SPTBN2: variants seen among roughly 807,000 people sequenced by gnomAD.
SPTBN2 encodes spectrin beta, non-erythrocytic 2, also known as spectrin beta chain, non-erythrocytic 2.
Under a neutral mutation model 284.2 loss-of-function variants are expected in SPTBN2, and 107 were observed. That is an observed-to-expected ratio of 0.38 (90% CI 0.32 to 0.44). The LOEUF (loss-of-function observed/expected upper bound fraction) is 0.44, where lower values mean the gene tolerates loss of function less well. SPTBN2 is among the 20% of genes least tolerant of loss of function. The pLI, the probability that SPTBN2 is intolerant of heterozygous loss-of-function variation, is 1.00. For synonymous variants in SPTBN2, 1,289 were observed against 1,354.8 expected, an observed-to-expected ratio of 0.95 and a Z score of 1.07; for missense variants, 2,569 against 3,287.1, an observed-to-expected ratio of 0.78 and a Z score of 5.34.
intron 1 of SPTBN2, among the ~76,000 whole-genome samples, chr11:66,726,508 G>C (rs1398637874): frequency 6.6e-6 from 1 of 152,234 alleles, no homozygotes; most frequent in African/African-American, 2.4e-5. Context: ...TTGGTTAGAG[G>C]AGCCATGAGT....
chr11:66,698,906 C>A lies in SPTBN2; in HGVS notation c.3867+86G>T. Reference sequence around the variant, plus strand: ...AAGAAGCCATGAAGGGGCTCACAGTCTCCGGTACCTTGTGCTGGACTTATT... The same window carrying A: ...AAGAAGCCATGAAGGGGCTCACAGTATCCGGTACCTTGTGCTGGACTTATT... On this transcript the variant is annotated intron_variant, in intron 19 of 37. Transcript: ENST00000533211. 3 of 1,600,392 alleles carry A rather than the reference C, an allele frequency of 1.9e-6. No individual in the cohort carries two copies. The South Asian group carries it at 3.3e-5, about 18-fold the overall frequency.
intron 3 of SPTBN2, among the ~76,000 whole-genome samples, chr11:66,717,487 G>A (rs550574030): frequency 3.3e-4 from 50 of 152,194 alleles, no homozygotes; most frequent in African/African-American, 1.2e-3. Flanking sequence ...ACACACCCAC[G>A]TCGCTCCGTG....
At position 66,716,659 on chromosome 11, in the gene SPTBN2, TG is replaced by T. The variant is rs5792396; in HGVS notation, c.158-679del. The stretch of plus-strand genomic sequence containing the variant: ...GAGCCCCAATGTCTCATCTGTAAAA[TG>T]GGAACATCACTTTCTACTTCAACAG... On this transcript the variant is annotated intron_variant, in intron 3 of 37. Coordinates refer to ENST00000533211, the MANE Select transcript of SPTBN2 (RefSeq NM_006946.4). Among the ~76,000 whole-genome samples the T allele has an allele frequency of 1.6e-3, 244 of 152,180 alleles. No individual in the cohort carries two copies. The East Asian group carries it at 0.038, about 23-fold the overall frequency.
chr11:66,687,319 A>T lies in SPTBN2; in HGVS notation c.6722+108T>A. On this transcript the variant is annotated intron_variant, in intron 35 of 37. Coordinates refer to ENST00000533211, the MANE Select transcript of SPTBN2 (RefSeq NM_006946.4). This position sits in a 1 kb window ranked among gnomAD's most constrained non-coding sequence, Gnocchi z 5.2. ...CCCCTGAGGCCCCGCTCTGGTCCCA[A>T]GTCCTACCCTTTGCCCAGAAGATGT... The T allele has an allele frequency of 6.4e-7, 1 of 1,555,058 alleles. No individual in the cohort carries two copies. The highest frequency in any genetic ancestry group is 2.2e-5 in the East Asian group (1 of 44,478).
At chr11:66,706,924 G>A (rs769054686) in intron 13 of SPTBN2, among the ~76,000 whole-genome samples, 3 of 152,232 alleles carry the variant, frequency 2.0e-5, no homozygotes, top group Admixed American at 6.5e-5. Flanking sequence ...GAGCCACTGC[G>A]CCTGGCCCCT....
chr11:66,693,292 C>T lies in SPTBN2; in HGVS notation c.4748G>A (p.Arg1583Gln), dbSNP rs972140635. The T allele has an allele frequency of 3.1e-6, 5 of 1,613,644 alleles. No homozygotes were observed. The highest frequency in any genetic ancestry group is 2.2e-5 in the East Asian group (1 of 44,892). The change falls in exon 24 of 38, where the codon CGA becomes CAA. Residue 1583 changes from arginine to glutamine, a missense_variant. Arg to Gln is a conservative substitution (Grantham distance 43). Transcript: ENST00000533211. The surrounding 1 kb of genome is among the most constrained non-coding windows in gnomAD (Gnocchi z 5.7). ...LGHELELRGKRLEDALRAQQF... is the reference protein window; with the variant it reads ...LGHELELRGKQLEDALRAQQF... ...CTGGGCTCGCAGGGCATCCTCCAGT[C>T]GCTTCCCTCGAAGTTCCAGCTCGTG...
At chr11:66,709,145 G>T (rs1941724376) in intron 10 of SPTBN2, 126 bp from the exon 11 acceptor site, 1 of 777,074 alleles carries the variant, frequency 1.3e-6, no homozygotes. Flanking sequence ...CTTTTTATGT[G>T]GAAGCCAGAA....
upstream of SPTBN2, among the ~76,000 whole-genome samples, chr11:66,733,984 C>CAAAA (rs60666832): frequency 1.3e-5 from 1 of 75,762 alleles, no homozygotes; most frequent in African/African-American, 4.9e-5. Context: ...GACTCCGTCT[C>CAAAA]AAAAAAAAAA....
chr11:66,692,315 A>G (rs1940613625), intron 26 of SPTBN2, among the ~76,000 whole-genome samples: 2 of 152,070 alleles, frequency 1.3e-5, no homozygotes, highest in South Asian at 4.1e-4. Context: ...GGACTCAAGC[A>G]ATCCTCCCAT....
At chr11:66,721,481 G>A (rs1942400398) in intron 1 of SPTBN2, 41 bp from the exon 2 acceptor site, 1 of 579,800 alleles carries the variant, frequency 1.7e-6, no homozygotes, top group South Asian at 1.9e-5. Flanking sequence ...AAGTGAAGCA[G>A]GAAGGCAGCA....
intron 1 of SPTBN2, among the ~76,000 whole-genome samples, chr11:66,737,468 A>G (rs1418082558): frequency 6.6e-6 from 1 of 152,154 alleles, no homozygotes; most frequent in Non-Finnish European, 1.5e-5. Context: ...CCCCTTTATA[A>G]AGGGATTAGA....
At chr11:66,688,905 C>G (rs559625773) in intron 30 of SPTBN2, 56 bp from the exon 31 acceptor site, 1 of 1,575,350 alleles carries the variant, frequency 6.3e-7, no homozygotes, top group East Asian at 2.2e-5. Flanking sequence ...ACTGGCAGGG[C>G]ACAGTGGCCA....
upstream of SPTBN2, among the ~76,000 whole-genome samples, chr11:66,730,924 T>C (rs114987397): frequency 0.011 from 1,647 of 152,306 alleles, 37 homozygotes; most frequent in African/African-American, 0.037. Flanking sequence ...AATCCTAATA[T>C]GTTCTTTCCT....
At position 66,687,567 on chromosome 11, in the gene SPTBN2, C is replaced by T. The variant is rs747471733; in HGVS notation, c.6582G>A (p.Met2194Ile). 1.2e-6 allele frequency: 2 copies of T among 1,612,052 alleles called. No homozygotes were observed. The highest frequency in any genetic ancestry group is 1.7e-6 in the Non-Finnish European group (2 of 1,179,872). Reference protein sequence around the residue: ...TRTRGPAPSAMPQSRSTESAH... With the variant: ...TRTRGPAPSAIPQSRSTESAH... ...CTGACTCGGTAGACCTGCTCTGGGG[C>T]ATTGCAGATGGGGCCGGGCCCCGAG... Residue 2194 changes from methionine to isoleucine, a missense_variant, in exon 35 of 38, where the codon ATG (methionine) becomes ATA (isoleucine). By Grantham distance (10) the Met-to-Ile change is conservative (BLOSUM62 1). Transcript: ENST00000533211. This position sits in a 1 kb window ranked among gnomAD's most constrained non-coding sequence, Gnocchi z 5.2.
At chr11:66,743,562 T>C (rs1264316208) in intron 1 of SPTBN2, among the ~76,000 whole-genome samples, 3 of 152,192 alleles carry the variant, frequency 2.0e-5, no homozygotes, top group Non-Finnish European at 1.5e-5. Context: ...CCAGCAGTTA[T>C]AGGCTTAAGC....
At chr11:66,723,807 G>C (rs1386441040) in intron 1 of SPTBN2, among the ~76,000 whole-genome samples, 2 of 152,186 alleles carry the variant, frequency 1.3e-5, no homozygotes, top group African/African-American at 4.8e-5. Flanking sequence ...CTGTGGGCAA[G>C]GCATGACCTG....
At position 66,686,858 on chromosome 11, in the gene SPTBN2, T is replaced by C. The variant is rs1940149819; in HGVS notation, c.6896+136A>G. 3 of 1,182,294 alleles carry C rather than the reference T, an allele frequency of 2.5e-6. No individual in the cohort carries two copies. In the South Asian group the frequency reaches 3.7e-5, roughly 15 times the overall value. The allele number at this position is 1,182,294 out of a possible 1,614,324, so 73.2% of individuals were successfully genotyped here. On this transcript the variant is annotated intron_variant, in intron 36 of 37. Transcript: ENST00000533211. ...GAATCTCCGCCTCCCTCATCTACACTATCCCCAAGTGGCTGGCCTGGTTAC... is the reference window on the plus strand; with the variant it reads ...GAATCTCCGCCTCCCTCATCTACACCATCCCCAAGTGGCTGGCCTGGTTAC...
chr11:66,688,274 T>C lies in SPTBN2; in HGVS notation c.6269A>G (p.Glu2090Gly). 1.2e-6 allele frequency: 2 copies of C among 1,611,394 alleles called. No individual in the cohort carries two copies. Among genetic ancestry groups the C allele is most frequent in the Non-Finnish European group, 1.7e-6 (2 of 1,178,972 alleles). The change falls in exon 32 of 38, where the codon GAG becomes GGG. Residue 2090 changes from glutamate (E) to glycine (G), a missense_variant. Physicochemically the swap from Glu to Gly is moderately conservative, Grantham distance 98 (BLOSUM62 -2). Around this residue, in one of 6 missense-constraint regions of SPTBN2, gnomAD observed 1,130 missense variants for 1,317.3 expected, o/e 0.86. Coordinates refer to ENST00000533211, the MANE Select transcript of SPTBN2 (RefSeq NM_006946.4). Reference sequence around the variant, plus strand: ...CGGCTGTTTCCGCCGCTCCTCCTCCTCCCTCTTTCTCTTTCGCTCCTTCTC... The same window carrying C: ...CGGCTGTTTCCGCCGCTCCTCCTCCCCCCTCTTTCTCTTTCGCTCCTTCTC... ...EREKERKRKR[E>G]EEERRKQPPA...
Position 66,693,429 on chromosome 11 carries a change from A to T in SPTBN2, c.4611T>A (p.Ile1537=). 1 of 1,599,392 alleles carries T rather than the reference A, an allele frequency of 6.3e-7. No individual in the cohort carries two copies. The highest frequency in any genetic ancestry group is 8.5e-7 in the Non-Finnish European group (1 of 1,179,716). ...CCGCGATCCGGGGCTCATGGCCCTG[A>T]ATCTCTTTCTGCAGGGTCTGCCCAT... ...MKKNQTLQKE[I]QGHEPRIADL... Residue 1537 remains isoleucine, a synonymous_variant, in exon 24 of 38, where the codon ATT becomes ATA. Coordinates refer to ENST00000533211, the MANE Select transcript of SPTBN2 (RefSeq NM_006946.4). This position sits in a 1 kb window ranked among gnomAD's most constrained non-coding sequence, Gnocchi z 5.7.
Sources: allele counts gnomAD v4.1 joint callset (sites outside exome capture counted in the v4.1 genomes callset), GRCh38; gene constraint gnomAD v4.1.1; regional missense constraint gnomAD v4.1.1; non-coding constraint Gnocchi (gnomAD v3.1); transcripts MANE v1.5; gene names NCBI Gene and HGNC (gene_info 2026-07-23, HGNC 2026-07-21).